Variants in CHD3 observed in about 807,000 individuals in gnomAD.
CHD3 encodes chromodomain helicase DNA binding protein 3.
In CHD3, 52 loss-of-function variants were observed where a neutral mutation model predicts 248.9. That is an observed-to-expected ratio of 0.21 (90% confidence interval 0.17 to 0.26). The LOEUF is 0.26. CHD3 is among the 10% of genes least tolerant of loss of function. CHD3 has a pLI of 1.00. For synonymous variants in CHD3, 985 were observed against 985.2 expected, an observed-to-expected ratio of 1.00 and a Z score of 0.00; for missense variants, 1,482 against 2,605.8, an observed-to-expected ratio of 0.57 and a Z score of 9.39.
rs1410343993 is a variant in CHD3, at chr17:7,904,337, G to C, written c.3895-105G>C. 12 of 1,054,354 alleles carry C rather than the reference G, an allele frequency of 1.1e-5. No homozygotes were observed. The highest frequency in any genetic ancestry group is 3.0e-5 in the South Asian group (2 of 66,850). 65.3% of individuals were successfully genotyped at this position (1,054,354 alleles called of 1,614,324 possible). On this transcript the variant is annotated intron_variant, in intron 24 of 39. Transcript: ENST00000330494. The surrounding 1 kb of genome is among the most constrained non-coding windows in gnomAD (Gnocchi z 4.4). ...TGCAGAGCCACGAAGCTGCAGGAGT[G>C]GGGAGACCGGATTGGGCTGACGCAG...
At position 7,904,786 on chromosome 17, in the gene CHD3, G is replaced by T. The variant is rs1351887727; in HGVS notation, c.4072+167G>T. On this transcript the variant is annotated intron_variant, in intron 25 of 39. Coordinates refer to ENST00000330494, the MANE Select transcript of CHD3 (RefSeq NM_001005273.3). This position sits in a 1 kb window ranked among gnomAD's most constrained non-coding sequence, Gnocchi z 4.4. ...GTCATTAGGAACTACCCAGAGGCCA[G>T]GTGGGTTTGCAGGAGATTTAAACTC... is the stretch of plus-strand genomic sequence containing the variant. Among the ~76,000 whole-genome samples the T allele has an allele frequency of 6.6e-6, 1 of 152,178 alleles. No homozygotes were observed. The highest frequency in any genetic ancestry group is 1.5e-5 in the Non-Finnish European group (1 of 68,040).
In CHD3 at chr17:7,904,749, AC is replaced by A. The variant is rs1970712622; in HGVS notation, c.4072+131del. On this transcript the variant is annotated intron_variant, in intron 25 of 39. Coordinates refer to ENST00000330494, the MANE Select transcript of CHD3 (RefSeq NM_001005273.3). This position sits in a 1 kb window ranked among gnomAD's most constrained non-coding sequence, Gnocchi z 4.4. Reference sequence around the variant, plus strand: ...AGCCTTCCTCTGCTAAAAGGGAAAGACATAAGGTAGAGTCATTAGGAACTAC... The same window carrying A: ...AGCCTTCCTCTGCTAAAAGGGAAAGAATAAGGTAGAGTCATTAGGAACTAC... 21 of 920,046 alleles carry A rather than the reference AC, an allele frequency of 2.3e-5. No individual in the cohort carries two copies. The highest frequency in any genetic ancestry group is 5.7e-5 in the Admixed American group (2 of 34,908). The allele number at this position is 920,046 out of a possible 1,614,324, so 57.0% of individuals were successfully genotyped here.
chr17:7,899,285 G>A lies in CHD3; in HGVS notation c.2344-58G>A. 6 of 1,605,106 alleles carry A rather than the reference G, an allele frequency of 3.7e-6. No homozygotes were observed. The highest frequency in any genetic ancestry group is 5.1e-6 in the Non-Finnish European group (6 of 1,172,376). On this transcript the variant is annotated intron_variant, in intron 14 of 39. Transcript: ENST00000330494. This position sits in a 1 kb window ranked among gnomAD's most constrained non-coding sequence, Gnocchi z 6.8. ...AAGATAAAGGGGTGTAGCTGGCAGA[G>A]GACTAGGGTATACGGCCTCTAGCCT...
upstream of CHD3, chr17:7,885,143 C>T (rs1204642459): frequency 3.8e-5 from 37 of 982,010 alleles, no homozygotes; most frequent in African/African-American, 5.3e-5. Context: ...CGCGCGAAGC[C>T]GGGCGGGGGC....
Position 7,897,050 on chromosome 17 carries a change from C to T in CHD3, c.1708-33C>T. On this transcript the variant is annotated intron_variant, in intron 10 of 39. Transcript: ENST00000330494. This position sits in a 1 kb window ranked among gnomAD's most constrained non-coding sequence, Gnocchi z 4.8. ...TTGTTGTCCTCTGTGAGTGTCAGGA[C>T]TATCTCTTTCCCTTTTTTCTGTGCC... 17 of 1,578,264 alleles carry T rather than the reference C, an allele frequency of 1.1e-5. No homozygotes were observed. Among genetic ancestry groups the T allele is most frequent in the African/African-American group, 1.3e-5 (1 of 74,328 alleles).
At chr17:7,898,673 TC>T (rs1969973569) in intron 13 of CHD3, 78 bp downstream of exon 13, 1 of 1,052,428 alleles carries the variant, frequency 9.5e-7, no homozygotes, top group Non-Finnish European at 1.4e-6. Context: ...TGATGGAACT[TC>T]CCAGAGATTC....
chr17:7,885,612 T>C (rs1352948921), upstream of CHD3, among the ~76,000 whole-genome samples: 1 of 150,264 alleles, frequency 6.7e-6, no homozygotes, highest in Non-Finnish European at 1.5e-5. Flanking sequence ...CCCGGTGGGG[T>C]TGGACCGAGG....
chr17:7,895,412 C>T lies in CHD3; in HGVS notation c.1577C>T (p.Ala526Val). ...RWGEPPVAVPAPQQADGNPDV... is the reference protein window; with the variant it reads ...RWGEPPVAVPVPQQADGNPDV... ...GGGGAGCCACCTGTAGCAGTGCCAG[C>T]CCCTCAACAGGCAGATGGAAATCCA... Residue 526 changes from alanine (A) to valine (V), a missense_variant, in exon 10 of 40, where the codon GCC becomes GTC. Physicochemically the swap from Ala to Val is moderately conservative, Grantham distance 64. Coordinates refer to ENST00000330494, the MANE Select transcript of CHD3 (RefSeq NM_001005273.3). This position sits in a 1 kb window ranked among gnomAD's most constrained non-coding sequence, Gnocchi z 4.9. 2 of 1,614,178 alleles carry T rather than the reference C, an allele frequency of 1.2e-6. No individual in the cohort carries two copies. The highest frequency in any genetic ancestry group is 1.7e-6 in the Non-Finnish European group (2 of 1,180,018).
At position 7,905,571 on chromosome 17, in the gene CHD3, G is replaced by A. The variant is rs1970827241; in HGVS notation, c.4139-50G>A. The stretch of plus-strand genomic sequence containing the variant: ...GGAATGGGGTGCTAAGGAGGACTGA[G>A]GCTTAGAGGAGGTGGTGGCTCAGCT... On this transcript the variant is annotated intron_variant, in intron 26 of 39. Transcript: ENST00000330494. The surrounding 1 kb of genome is among the most constrained non-coding windows in gnomAD (Gnocchi z 5.8). The A allele has an allele frequency of 7.9e-6, 11 of 1,396,586 alleles. No homozygotes were observed. Among genetic ancestry groups the A allele is most frequent in the Admixed American group, 2.1e-5 (1 of 47,118 alleles). The allele number at this position is 1,396,586 out of a possible 1,614,324, so 86.5% of individuals were successfully genotyped here.
intron 4 of CHD3, among the ~76,000 whole-genome samples, chr17:7,892,560 A>G (rs1468131443): frequency 7.0e-6 from 1 of 143,122 alleles, no homozygotes; most frequent in South Asian, 2.2e-4. Context: ...GTAGTGGCGC[A>G]ATCTTGGCTC....
chr17:7,898,242 A>G, intron 12 of CHD3, 140 bp downstream of exon 12: 1 of 1,029,584 alleles, frequency 9.7e-7, no homozygotes. Flanking sequence ...GGGTTGTTTG[A>G]GATAGGCTTG....
chr17:7,887,229 A>AT (rs1195241995), upstream of CHD3, among the ~76,000 whole-genome samples: 2 of 152,190 alleles, frequency 1.3e-5, no homozygotes, highest in Admixed American at 1.3e-4. Flanking sequence ...AGAGATTTCC[A>AT]TTGTTTTCCA....
At chr17:7,885,541 C>G (rs1418508424), upstream of CHD3, among the ~76,000 whole-genome samples, 2 of 151,126 alleles carry the variant, frequency 1.3e-5, no homozygotes, top group African/African-American at 4.9e-5. Flanking sequence ...GGCCGGACGG[C>G]GGCGTGGGGG....
In CHD3 at chr17:7,909,330, T is replaced by C. The variant is rs1307429658; in HGVS notation, c.5582T>C (p.Leu1861Pro). ...LAGNKPANAV[L>P]HKVLNQLEEL... ...GGGAACAAGCCGGCCAACGCCGTCC[T>C]GCACAAGGGTAAGGGCCGCGGCGGC... Residue 1861 changes from leucine to proline, a missense_variant, in exon 37 of 40, where the codon CTG becomes CCG. By Grantham distance (98) the Leu-to-Pro change is moderately conservative. Around this residue, in one of 20 missense-constraint regions of CHD3, gnomAD observed 83 missense variants for 181.0 expected, o/e 0.46. Transcript: ENST00000330494. This position sits in a 1 kb window ranked among gnomAD's most constrained non-coding sequence, Gnocchi z 8.1. The C allele has an allele frequency of 6.4e-7, 1 of 1,554,566 alleles. No homozygotes were observed.
intron 12 of CHD3, 65 bp from the exon 13 acceptor site, chr17:7,898,431 G>T: frequency 8.3e-7 from 1 of 1,203,308 alleles, no homozygotes; most frequent in Non-Finnish European, 1.2e-6. Flanking sequence ...GTCTGGAATG[G>T]GTTCAGAAAA....
At position 7,904,028 on chromosome 17, in the gene CHD3, G is replaced by C; in HGVS notation, c.3894+37G>C. The C allele has an allele frequency of 6.2e-7, 1 of 1,604,124 alleles. No homozygotes were observed. The highest frequency in any genetic ancestry group is 1.3e-5 in the African/African-American group (1 of 74,826). ...TGGGGGCCAGACATTATCTATCCCAGGCCATCTCCAAAAGGCAGTATCCTT... is the reference window on the plus strand; with the variant it reads ...TGGGGGCCAGACATTATCTATCCCACGCCATCTCCAAAAGGCAGTATCCTT... On this transcript the variant is annotated intron_variant, in intron 24 of 39. Coordinates refer to ENST00000330494, the MANE Select transcript of CHD3 (RefSeq NM_001005273.3). This position sits in a 1 kb window ranked among gnomAD's most constrained non-coding sequence, Gnocchi z 4.4.
In CHD3 at chr17:7,889,094, A is replaced by G. The variant is rs768583485; in HGVS notation, c.94A>G (p.Met32Val). 2 of 1,614,202 alleles carry G rather than the reference A, an allele frequency of 1.2e-6. No individual in the cohort carries two copies. The highest frequency in any genetic ancestry group is 4.5e-5 in the East Asian group (2 of 44,886). The change falls in exon 1 of 40, where the codon ATG (methionine) becomes GTG (valine). Residue 32 changes from methionine to valine, a missense_variant. Around this residue, in one of 20 missense-constraint regions of CHD3, gnomAD observed 169 missense variants for 168.1 expected, o/e 1.01. Coordinates refer to ENST00000330494, the MANE Select transcript of CHD3 (RefSeq NM_001005273.3). The surrounding 1 kb of genome is among the most constrained non-coding windows in gnomAD (Gnocchi z 4.5). The part of the protein sequence containing the change: ...FPPGLCWGDR[M>V]PDKDDIRLLP... Reference sequence around the variant, plus strand: ...TCCAGGACTGTGTTGGGGTGACAGGATGCCTGGTAATTATCCGAGGAAATG... The same window carrying G: ...TCCAGGACTGTGTTGGGGTGACAGGGTGCCTGGTAATTATCCGAGGAAATG...
Position 7,894,418 on chromosome 17 carries a change from T to G in CHD3, c.1079T>G (p.Leu360Arg). The change falls in exon 8 of 40, where the codon CTG becomes CGG. Residue 360 changes from leucine (L) to arginine (R), a missense_variant. Physicochemically the swap from Leu to Arg is moderately radical, Grantham distance 102. This residue lies in a region of CHD3 where 138 missense variants were observed against 241.1 expected (regional missense o/e 0.57). Coordinates refer to ENST00000330494, the MANE Select transcript of CHD3 (RefSeq NM_001005273.3). Reference protein sequence around the residue: ...GRPGRKKKKVLGCPAVAGEEE... With the variant: ...GRPGRKKKKVRGCPAVAGEEE... ...CCTCCACCGGGGTATATGACAGTCC[T>G]GGGCTGTCCTGCAGTGGCCGGGGAG... The G allele has an allele frequency of 6.2e-7, 1 of 1,612,262 alleles. No individual in the cohort carries two copies. The highest frequency in any genetic ancestry group is 8.5e-7 in the Non-Finnish European group (1 of 1,178,802).
In CHD3 at chr17:7,890,560, C is replaced by G. The variant is rs372004415; in HGVS notation, c.214-11C>G. On this transcript the variant is annotated splice_polypyrimidine_tract_variant and intron_variant, in intron 2 of 39. Coordinates refer to ENST00000330494, the MANE Select transcript of CHD3 (RefSeq NM_001005273.3). ...GGATGAATAAATGTTATTTTTATTTCTTTCTCTTAGGACAGTGAGGAGGAA... is the reference window on the plus strand; with the variant it reads ...GGATGAATAAATGTTATTTTTATTTGTTTCTCTTAGGACAGTGAGGAGGAA... The G allele has an allele frequency of 2.6e-6, 4 of 1,541,388 alleles. No individual in the cohort carries two copies. The African/African-American group carries it at 4.2e-5, about 16-fold the overall frequency.
Sources: gnomAD v4.1 joint callset for allele counts (sites outside exome capture counted in the v4.1 genomes callset) on GRCh38, gnomAD v4.1.1 for gene constraint, gnomAD v4.1.1 regional missense constraint, Gnocchi (gnomAD v3.1) non-coding constraint, MANE v1.5 for transcripts, NCBI Gene and HGNC (gene_info 2026-07-23, HGNC 2026-07-21) for gene names.